Variants in GLIS3 observed in about 807,000 individuals in gnomAD.
GLIS3 encodes the protein zinc finger protein GLIS3.
A neutral mutation model predicts 78.6 loss-of-function variants in GLIS3; 53 were observed. The ratio of observed to expected loss-of-function variants is 0.67; its 90% CI spans 0.54 to 0.85. The LOEUF (loss-of-function observed/expected upper bound fraction) is 0.85, where lower values mean the gene tolerates loss of function less well. Among genes scored for constraint, GLIS3 ranks in the 40% least tolerant of loss-of-function variants. GLIS3 has a pLI of 0.00. For synonymous variants in GLIS3, 684 were observed against 509.9 expected (o/e 1.34, Z -4.60); for missense variants, 1,703 against 1,231.1 (o/e 1.38, Z -5.74).
At chr9:4,414,035 A>G in the GLIS3 span, among the ~76,000 whole-genome samples, 9 of 152,186 alleles carry the variant, frequency 5.9e-5, no homozygotes, top group Non-Finnish European at 1.0e-4. Flanking sequence ...GAACCATGCC[A>G]TATTTCTCGG....
chr9:3,864,497 T>A (rs1028801778), intron 8 of GLIS3, among the ~76,000 whole-genome samples: 3 of 152,212 alleles, frequency 2.0e-5, no homozygotes, highest in African/African-American at 7.2e-5. Flanking sequence ...CCAGCAGAAC[T>A]TTGAGAACCA....
chr9:4,044,632 G>C (rs535981323), intron 4 of GLIS3, among the ~76,000 whole-genome samples: 1 of 152,286 alleles, frequency 6.6e-6, no homozygotes, highest in Admixed American at 6.5e-5. Context: ...AGTCTGGGTT[G>C]GGTACAGTAG....
intron 4 of GLIS3, among the ~76,000 whole-genome samples, chr9:4,082,275 A>G (rs1309488072): frequency 6.6e-6 from 1 of 152,242 alleles, no homozygotes; most frequent in Admixed American, 6.5e-5. Context: ...GTGGTAGAAG[A>G]AAAACTTCTA....
At chr9:4,298,791 G>A (rs1453754641) in intron 1 of GLIS3, among the ~76,000 whole-genome samples, 2 of 152,088 alleles carry the variant, frequency 1.3e-5, no homozygotes, top group African/African-American at 4.8e-5. Flanking sequence ...GCTGCGGATC[G>A]CCGGGCCGGT....
intron 4 of GLIS3, among the ~76,000 whole-genome samples, chr9:3,950,921 T>C (rs1405738493): frequency 1.3e-5 from 2 of 152,164 alleles, no homozygotes; most frequent in South Asian, 2.1e-4. Context: ...TAAAATCCAC[T>C]CAGAATAACC....
exon 3 of GLIS3, chr9:4,310,501 G>A (rs1817332154): frequency 6.6e-6 from 1 of 152,162 alleles, no homozygotes; most frequent in Non-Finnish European, 1.5e-5. Flanking sequence ...AAGAGTCACT[G>A]CCGATTTTTT....
chr9:3,873,710 A>G (rs1475174440), intron 8 of GLIS3, among the ~76,000 whole-genome samples: 1 of 152,250 alleles, frequency 6.6e-6, no homozygotes, highest in Non-Finnish European at 1.5e-5. Flanking sequence ...AAAGTTACTT[A>G]TGCAAATTAC....
intron 9 of GLIS3, among the ~76,000 whole-genome samples, chr9:3,840,761 A>G (rs1230143221): frequency 6.6e-6 from 1 of 152,230 alleles, no homozygotes; most frequent in Non-Finnish European, 1.5e-5. Flanking sequence ...CGTGGTTCCA[A>G]GAAGCAAGGC....
At chr9:4,056,850 A>G (rs1826191505) in intron 4 of GLIS3, among the ~76,000 whole-genome samples, 1 of 152,070 alleles carries the variant, frequency 6.6e-6, no homozygotes, top group Non-Finnish European at 1.5e-5. Context: ...TAATTGCCCA[A>G]ATAAGATCAT....
chr9:4,270,435 T>C (rs180916530), intron 2 of GLIS3, among the ~76,000 whole-genome samples: 35 of 152,182 alleles, frequency 2.3e-4, no homozygotes, highest in Admixed American at 2.0e-3. Flanking sequence ...TGCTTCAGGG[T>C]CTCCCTAGGA....
intron 4 of GLIS3, among the ~76,000 whole-genome samples, chr9:4,057,968 T>A (rs1826287870): frequency 6.6e-6 from 1 of 152,156 alleles, no homozygotes; most frequent in Non-Finnish European, 1.5e-5. Flanking sequence ...TGTATAGGTG[T>A]TTATCTTTAT....
At chr9:4,213,656 A>T (rs995154854) in intron 2 of GLIS3, among the ~76,000 whole-genome samples, 9 of 152,258 alleles carry the variant, frequency 5.9e-5, no homozygotes, top group Admixed American at 4.6e-4. Context: ...TTGTAAGCAC[A>T]GGTTGTGTAT....
At chr9:4,481,847 AC>A in the GLIS3 span, among the ~76,000 whole-genome samples, 5 of 152,346 alleles carry the variant, frequency 3.3e-5, no homozygotes, top group South Asian at 1.0e-3. Flanking sequence ...CAGAAAAGTC[AC>A]AGCATTGTCT....
At chr9:4,259,411 T>C (rs544646304) in intron 2 of GLIS3, among the ~76,000 whole-genome samples, 39 of 152,134 alleles carry the variant, frequency 2.6e-4, no homozygotes, top group Admixed American at 8.5e-4. Flanking sequence ...TGGAGAGTGC[T>C]CATCTAATTC....
chr9:4,234,118 C>A (rs1368565086), intron 2 of GLIS3, among the ~76,000 whole-genome samples: 1 of 148,072 alleles, frequency 6.8e-6, no homozygotes, highest in East Asian at 1.9e-4. Context: ...CAAACTTTCT[C>A]CGTATCAGCA....
intron 4 of GLIS3, among the ~76,000 whole-genome samples, chr9:4,085,599 CA>C (rs112579492): frequency 0.027 from 4,042 of 152,210 alleles, 150 homozygotes; most frequent in African/African-American, 0.092. Context: ...TGTCCCTGCC[CA>C]AATGTCATGT....
chr9:3,882,859 C>T (rs979634315), intron 7 of GLIS3, among the ~76,000 whole-genome samples: 5 of 152,200 alleles, frequency 3.3e-5, no homozygotes, highest in Non-Finnish European at 7.3e-5. Flanking sequence ...CTTGCCTTTA[C>T]TTTCTATAGT....
the GLIS3 span, among the ~76,000 whole-genome samples, chr9:4,373,232 G>T: frequency 3.9e-5 from 6 of 152,264 alleles, no homozygotes; most frequent in African/African-American, 1.4e-4. Context: ...AGACATCACT[G>T]ATCACGCATG....
chr9:3,883,566 A>G (rs1215355676), intron 7 of GLIS3, among the ~76,000 whole-genome samples: 3 of 152,242 alleles, frequency 2.0e-5, no homozygotes, highest in African/African-American at 7.2e-5. Context: ...TAGGGCACAC[A>G]ATTGTGGCCT....
Sources: allele counts gnomAD v4.1 joint callset (sites outside exome capture counted in the v4.1 genomes callset), GRCh38; gene constraint gnomAD v4.1.1; transcripts MANE v1.5; gene names NCBI Gene and HGNC (gene_info 2026-07-23, HGNC 2026-07-21).